Variants in TM6SF1 observed in about 807,000 individuals in gnomAD.
The protein encoded by TM6SF1 is transmembrane 6 superfamily member 1.
TM6SF1 carries 43 observed loss-of-function variants against 47.1 expected under a neutral mutation model. The ratio of observed to expected loss-of-function variants is 0.91; its 90% confidence interval spans 0.72 to 1.18. The LOEUF is 1.18. Among genes scored for constraint, TM6SF1 ranks in the 50% most tolerant of loss-of-function variants. TM6SF1 has a pLI of 0.00. For missense variants in TM6SF1, 390 were observed against 449.0 expected, an observed-to-expected ratio of 0.87 and a Z score of 1.19; for synonymous variants, 177 against 166.3, an observed-to-expected ratio of 1.06 and a Z score of -0.49.
chr15:83,122,907 G>A (rs763449936), intron 6 of TM6SF1, 29 bp downstream of exon 6: 1 of 1,611,312 alleles, frequency 6.2e-7, no homozygotes, highest in Non-Finnish European at 8.5e-7. Flanking sequence ...GATGTACCCT[G>A]TTCTCAAACT....
intron 1 of TM6SF1, among the ~76,000 whole-genome samples, chr15:83,108,093 G>T (rs1226275703): frequency 6.6e-6 from 1 of 152,204 alleles, no homozygotes; most frequent in Non-Finnish European, 1.5e-5. Flanking sequence ...CCGGTGGGGA[G>T]CGGAACAAAC....
At chr15:83,116,421 C>T (rs796695706) in intron 3 of TM6SF1, among the ~76,000 whole-genome samples, 7 of 152,146 alleles carry the variant, frequency 4.6e-5, no homozygotes, top group African/African-American at 1.7e-4. Context: ...AGAGCTAGTC[C>T]TATTTTCTTA....
rs761505263 is a variant in TM6SF1, at chr15:83,127,417, GGTTCCTGGAT to G, written c.873_882del (p.Ser292LeufsTer5). On this transcript the variant is annotated frameshift_variant, in exon 9 of 10. Transcript: ENST00000322019. LOFTEE classifies it high-confidence loss of function. Reference sequence around the variant, plus strand: ...TTGTGACTGCACTGTATGGCTTAGTGGTTCCTGGATGTTCCTGGATGCCTGACATCACATT... The same window carrying G: ...TTGTGACTGCACTGTATGGCTTAGTGGTTCCTGGATGCCTGACATCACATT... 5.6e-6 allele frequency: 9 copies of G among 1,613,870 alleles called. No individual in the cohort carries two copies. Among genetic ancestry groups the G allele is most frequent in the African/African-American group, 5.3e-5 (4 of 74,900 alleles).
chr15:83,119,898 C>A (rs745647938), intron 4 of TM6SF1, among the ~76,000 whole-genome samples: 6 of 152,226 alleles, frequency 3.9e-5, no homozygotes, highest in Non-Finnish European at 8.8e-5. Context: ...ACAGCTCGGG[C>A]AGACCCTTTA....
intron 4 of TM6SF1, 44 bp downstream of exon 4, chr15:83,119,725 C>T (rs371155615): frequency 8.1e-6 from 13 of 1,611,966 alleles, no homozygotes; most frequent in Middle Eastern, 1.6e-4. Context: ...CCTTAGCAAC[C>T]GATAAGCGGG....
intron 9 of TM6SF1, 55 bp from the exon 10 acceptor site, chr15:83,136,426 C>A: frequency 4.1e-6 from 6 of 1,467,394 alleles, no homozygotes; most frequent in Non-Finnish European, 5.5e-6. Context: ...ACTCATCATG[C>A]ATCCAACTGA....
In TM6SF1 at chr15:83,112,771, C is replaced by T. The variant is rs191656608; in HGVS notation, c.93-26C>T. The T allele has an allele frequency of 3.2e-6, 5 of 1,538,560 alleles. No individual in the cohort carries two copies. The Admixed American group carries it at 5.0e-5, about 15-fold the overall frequency. ...ACCAATGTGTTTATTTTGATAGTGACCACCTCCCTGTTCTGGTCGTTGCAG... is the reference window on the plus strand; with the variant it reads ...ACCAATGTGTTTATTTTGATAGTGATCACCTCCCTGTTCTGGTCGTTGCAG... On this transcript the variant is annotated intron_variant, in intron 1 of 9. Transcript: ENST00000322019.
At chr15:83,127,555 T>C in intron 9 of TM6SF1, 78 bp downstream of exon 9, 1 of 1,544,426 alleles carries the variant, frequency 6.5e-7, no homozygotes, top group Non-Finnish European at 8.9e-7. Context: ...ACTTCTCTGC[T>C]CAGTGTTTTA....
intron 2 of TM6SF1, chr15:83,113,118 T>A (rs867700474): frequency 1.7e-6 from 1 of 577,372 alleles, no homozygotes; most frequent in Non-Finnish European, 3.1e-6. Flanking sequence ...GGTGGAGAGT[T>A]ACTGCCAGGC....
At chr15:83,125,721 T>G (rs930249060) in intron 7 of TM6SF1, among the ~76,000 whole-genome samples, 1 of 152,242 alleles carries the variant, frequency 6.6e-6, no homozygotes, top group African/African-American at 2.4e-5. Flanking sequence ...CGCGTAACAG[T>G]TGGACAGTAG....
chr15:83,108,402 C>A (rs1485450426), intron 1 of TM6SF1, among the ~76,000 whole-genome samples: 1 of 152,084 alleles, frequency 6.6e-6, no homozygotes, highest in Non-Finnish European at 1.5e-5. Context: ...CCACCGAGAC[C>A]TCTTTGTGAA....
At chr15:83,133,507 T>C (rs981334210) in intron 9 of TM6SF1, 3 of 152,248 alleles carry the variant, frequency 2.0e-5, no homozygotes, top group Non-Finnish European at 4.4e-5. Flanking sequence ...TATCTCTTAA[T>C]TATTTCTGTA....
At chr15:83,118,101 C>G (rs1480282772) in intron 3 of TM6SF1, among the ~76,000 whole-genome samples, 1 of 152,164 alleles carries the variant, frequency 6.6e-6, no homozygotes, top group East Asian at 1.9e-4. Context: ...GTGGCTCATG[C>G]CTGTAATCTC....
Position 83,122,770 on chromosome 15 carries a change from A to T in TM6SF1, c.495A>T (p.Thr165=), listed in dbSNP as rs1441142163. ...VPGNIVGKYG[T]RICPAFFLSI... is the part of the protein sequence containing the mutation. ...TCTTTTAAATAGGGAAGTATGGAAC[A>T]CGAATTTGCCCTGCTTTTTTCTTAA... is the stretch of plus-strand genomic sequence containing the variant. The change falls in exon 6 of 10, where the codon ACA becomes ACT. Residue 165 remains threonine, a synonymous_variant. Transcript: ENST00000322019. 1 of 1,613,826 alleles carries T rather than the reference A, an allele frequency of 6.2e-7. No homozygotes were observed. The highest frequency in any genetic ancestry group is 8.5e-7 in the Non-Finnish European group (1 of 1,179,980).
rs191035589 is a variant in TM6SF1 at position 83,137,384 on chromosome 15, A to G, written c.*712A>G. ...ATAAAGACAAATCTTATTAAATTTG[A>G]AACATTTCATATATACACATAAAAC... On this transcript the variant is annotated 3_prime_UTR_variant, in exon 10 of 10. Transcript: ENST00000322019. The G allele has an allele frequency of 1.6e-4, 24 of 152,264 alleles. No individual in the cohort carries two copies. Among genetic ancestry groups the G allele is most frequent in the African/African-American group, 5.5e-4 (23 of 41,574 alleles). 9.4% of individuals were successfully genotyped at this position (152,264 alleles called of 1,614,324 possible). A position where few individuals can be genotyped will look rare whatever the true frequency, so the allele number is the denominator to read the frequency against.
chr15:83,118,375 CA>C (rs1304703367), intron 3 of TM6SF1, among the ~76,000 whole-genome samples: 7 of 152,110 alleles, frequency 4.6e-5, no homozygotes, highest in African/African-American at 1.7e-4. Context: ...GTGCACCATG[CA>C]GTTAAAGATG....
intron 9 of TM6SF1, chr15:83,133,280 C>T (rs1008914934): frequency 3.9e-5 from 6 of 152,242 alleles, no homozygotes; most frequent in African/African-American, 1.4e-4. Context: ...CCCTGGCTAT[C>T]ATCCCAATGG....
chr15:83,109,820 G>A (rs1336043530), intron 1 of TM6SF1, among the ~76,000 whole-genome samples: 1 of 152,088 alleles, frequency 6.6e-6, no homozygotes, highest in Non-Finnish European at 1.5e-5. Flanking sequence ...CCTCTAGCCC[G>A]GACTCCTGCT....
chr15:83,118,624 A>C (rs2034920763), intron 3 of TM6SF1, among the ~76,000 whole-genome samples: 1 of 152,172 alleles, frequency 6.6e-6, no homozygotes, highest in Non-Finnish European at 1.5e-5. Context: ...GGGAGCATGA[A>C]GCTTAAGAGA....
Sources: gnomAD v4.1 joint callset for allele counts (sites outside exome capture counted in the v4.1 genomes callset) on GRCh38, gnomAD v4.1.1 for gene constraint, MANE v1.5 for transcripts, NCBI Gene and HGNC (gene_info 2026-07-23, HGNC 2026-07-21) for gene names.